Variants in OPRM1 observed in about 807,000 individuals in gnomAD.
The protein encoded by OPRM1 is mu-type opioid receptor.
A neutral mutation model predicts 31.8 loss-of-function variants in OPRM1; 27 were observed. The observed-to-expected ratio is 0.85, with a 90% CI of 0.63 to 1.17. The LOEUF (loss-of-function observed/expected upper bound fraction) is 1.17, where lower values mean the gene tolerates loss of function less well. OPRM1 is among the 50% of genes most tolerant of loss of function. The probability of loss-of-function intolerance (pLI) is 0.00; values close to 1 mark genes in which losing one functional copy is unlikely to be tolerated. For synonymous variants in OPRM1, 196 were observed against 189.9 expected (o/e 1.03, Z -0.26); for missense variants, 536 against 511.1 (o/e 1.05, Z -0.47).
At chr6:154,030,286 T>G (rs1309316022) in intron 1 of OPRM1, among the ~76,000 whole-genome samples, 2 of 152,206 alleles carry the variant, frequency 1.3e-5, no homozygotes, top group East Asian at 3.8e-4. Flanking sequence ...GTTCTAAAAC[T>G]TGATTAAGGA....
chr6:154,173,872 A>G (rs1276267478), intron 3 of OPRM1, among the ~76,000 whole-genome samples: 1 of 152,212 alleles, frequency 6.6e-6, no homozygotes, highest in Non-Finnish European at 1.5e-5. Flanking sequence ...CATAACTGTG[A>G]GATTCATCAA....
At chr6:154,113,631 T>C (rs1256467433) in intron 3 of OPRM1, among the ~76,000 whole-genome samples, 1 of 152,058 alleles carries the variant, frequency 6.6e-6, no homozygotes, top group African/African-American at 2.4e-5. Flanking sequence ...ATTGTGCAGG[T>C]AAAAAGGGTG....
At chr6:154,163,334 A>C (rs553952712) in intron 3 of OPRM1, among the ~76,000 whole-genome samples, 1 of 152,320 alleles carries the variant, frequency 6.6e-6, no homozygotes, top group Non-Finnish European at 1.5e-5. Flanking sequence ...CTTTTGCCTG[A>C]AATATTCGGC....
At chr6:154,221,236 T>A in intron 3 of OPRM1, 1 of 1,600,990 alleles carries the variant, frequency 6.2e-7, no homozygotes, top group Non-Finnish European at 8.6e-7. Context: ...AGGATGGGGT[T>A]TACCAGTTTC....
chr6:154,167,844 C>G (rs928591157), intron 3 of OPRM1: 11 of 1,127,714 alleles, frequency 9.8e-6, no homozygotes, highest in Non-Finnish European at 1.1e-5. Flanking sequence ...CTGTGATTAG[C>G]AAGAATCTCT....
At chr6:154,067,210 T>C (rs1171073222) in intron 1 of OPRM1, among the ~76,000 whole-genome samples, 1 of 152,080 alleles carries the variant, frequency 6.6e-6, no homozygotes, top group East Asian at 1.9e-4. Flanking sequence ...GCTAGCTTTC[T>C]GCTTACTTTG....
At position 154,121,031 on chromosome 6, in the gene OPRM1, C is replaced by G. The variant is rs1365286673; in HGVS notation, c.*2310C>G. Among the ~76,000 whole-genome samples the G allele has an allele frequency of 2.0e-5, 3 of 152,136 alleles. No individual in the cohort carries two copies. The highest frequency in any genetic ancestry group is 4.4e-5 in the Non-Finnish European group (3 of 68,012). ...ACGTAAATTTGCTAGAACCACCTTC[C>G]AATTCCAAGGCAAGGAGAGACATTA... On this transcript the variant is annotated 3_prime_UTR_variant, in exon 4 of 4. Transcript: ENST00000330432.
chr6:154,206,483 A>G (rs1400896503), intron 3 of OPRM1, among the ~76,000 whole-genome samples: 1 of 152,260 alleles, frequency 6.6e-6, no homozygotes, highest in Admixed American at 6.5e-5. Flanking sequence ...AGGCACAGTC[A>G]TAAATGATGT....
rs2128394582 is a variant in OPRM1 at position 154,039,800 on chromosome 6, T to C, written c.256T>C (p.Phe86Leu). 6.3e-7 allele frequency: 1 copy of C among 1,596,306 alleles called. No homozygotes were observed. Among genetic ancestry groups the C allele is most frequent in the South Asian group, 1.1e-5 (1 of 90,566 alleles). ...LYSIVCVVGLFGNFLVMYVIV... is the reference protein window; with the variant it reads ...LYSIVCVVGLLGNFLVMYVIV... ...CTCCATCGTGTGCGTGGTGGGGCTC[T>C]TCGGAAACTTCCTGGTCATGTATGT... Residue 86 changes from phenylalanine to leucine, a missense_variant, in exon 1 of 4, where the codon TTC becomes CTC. Coordinates refer to ENST00000330432, the MANE Select transcript of OPRM1 (RefSeq NM_000914.5).
chr6:154,216,544 T>C (rs1778408959), intron 3 of OPRM1, among the ~76,000 whole-genome samples: 2 of 152,132 alleles, frequency 1.3e-5, no homozygotes, highest in African/African-American at 4.8e-5. Context: ...TTGGTATGCA[T>C]AGAAAAGTGT....
At chr6:154,218,375 A>C (rs1441589285) in intron 3 of OPRM1, among the ~76,000 whole-genome samples, 3 of 152,120 alleles carry the variant, frequency 2.0e-5, no homozygotes, top group Non-Finnish European at 2.9e-5. Context: ...TTAAATTGAG[A>C]CTCACTACAG....
intron 1 of OPRM1, among the ~76,000 whole-genome samples, chr6:154,052,665 A>G (rs1782442604): frequency 6.6e-6 from 1 of 152,254 alleles, no homozygotes; most frequent in Non-Finnish European, 1.5e-5. Context: ...ACTCTGACAC[A>G]GAACATCTTA....
intron 1 of OPRM1, among the ~76,000 whole-genome samples, chr6:154,042,606 C>G (rs2128400324): frequency 6.6e-6 from 1 of 152,266 alleles, no homozygotes; most frequent in South Asian, 2.1e-4. Context: ...CTGTTTGTAA[C>G]ACCATCATCA....
chr6:154,112,535 C>A (rs1170026288), intron 3 of OPRM1, among the ~76,000 whole-genome samples: 1 of 152,176 alleles, frequency 6.6e-6, no homozygotes, highest in Non-Finnish European at 1.5e-5. Flanking sequence ...CAAATCAATC[C>A]TCCTTCCCCA....
chr6:154,054,152 G>A (rs967757873), intron 1 of OPRM1, among the ~76,000 whole-genome samples: 2 of 152,016 alleles, frequency 1.3e-5, no homozygotes, highest in East Asian at 1.9e-4. Context: ...GGCGGATCAC[G>A]AGGTCAGGAG....
chr6:154,196,623 G>A (rs1313378227), intron 3 of OPRM1, among the ~76,000 whole-genome samples: 2 of 152,188 alleles, frequency 1.3e-5, no homozygotes, highest in East Asian at 3.8e-4. Flanking sequence ...TTGTACATAT[G>A]TGACTTACTA....
At chr6:154,228,872 G>C (rs970497717) in intron 3 of OPRM1, among the ~76,000 whole-genome samples, 3 of 152,226 alleles carry the variant, frequency 2.0e-5, no homozygotes, top group Admixed American at 2.0e-4. Flanking sequence ...CTGGGCTACA[G>C]AGTGAGACCC....
At chr6:154,093,365 C>G (rs773950203) in intron 3 of OPRM1, 1 of 1,614,130 alleles carries the variant, frequency 6.2e-7, no homozygotes, top group East Asian at 2.2e-5. Flanking sequence ...TCAGATATGA[C>G]CTCCCAGCTA....
intron 1 of OPRM1, among the ~76,000 whole-genome samples, chr6:154,081,861 G>T (rs2128469170): frequency 6.6e-6 from 1 of 152,262 alleles, no homozygotes; most frequent in East Asian, 1.9e-4. Context: ...AACTCTGTGT[G>T]CCTCGGGTCC....
Sources: allele counts gnomAD v4.1 joint callset (sites outside exome capture counted in the v4.1 genomes callset), GRCh38; gene constraint gnomAD v4.1.1; transcripts MANE v1.5; gene names NCBI Gene and HGNC (gene_info 2026-07-23, HGNC 2026-07-21).